CIMIP2C: variants seen among roughly 807,000 people sequenced by gnomAD.
CIMIP2C encodes the protein ciliary microtubule inner protein 2C.
the CIMIP2C span, chr2:26,578,397 A>G: frequency 9.5e-6 from 2 of 210,104 alleles, no homozygotes; most frequent in Non-Finnish European, 1.9e-5. Context: ...CCTTACTGAT[A>G]AAACAGCATC....
the CIMIP2C span, among the ~76,000 whole-genome samples, chr2:26,565,875 C>T: frequency 6.6e-6 from 1 of 152,248 alleles, no homozygotes; most frequent in South Asian, 2.1e-4. Flanking sequence ...GGCCAGGGTG[C>T]TCCATTTGGT....
chr2:26,565,061 T>TTCCCCG, the CIMIP2C span, among the ~76,000 whole-genome samples: 1 of 144,248 alleles, frequency 6.9e-6, no homozygotes. Context: ...CTCCTTCTTC[T>TTCCCCG]TCCCCTTCCC....
At chr2:26,568,757 C>T in the CIMIP2C span, among the ~76,000 whole-genome samples, 1 of 152,070 alleles carries the variant, frequency 6.6e-6, no homozygotes, top group South Asian at 2.1e-4. Flanking sequence ...AGGCCAGGTG[C>T]GGTGGCTCAC....
chr2:26,576,585 G>A, the CIMIP2C span, among the ~76,000 whole-genome samples: 1 of 152,178 alleles, frequency 6.6e-6, no homozygotes, highest in African/African-American at 2.4e-5. Context: ...CACGAGCAAA[G>A]GCCCCACTAC....
the CIMIP2C span, chr2:26,576,288 T>C: frequency 7.8e-7 from 1 of 1,275,310 alleles, no homozygotes; most frequent in South Asian, 1.5e-5. Context: ...CACAGTGTCT[T>C]GATTTCCTTT....
At chr2:26,572,293 A>G in the CIMIP2C span, 127 of 798,116 alleles carry the variant, frequency 1.6e-4, no homozygotes, top group African/African-American at 2.2e-4. Flanking sequence ...CTGCACTTCA[A>G]TAGATTTGAA....
chr2:26,576,203 C>T, the CIMIP2C span: 3 of 1,593,278 alleles, frequency 1.9e-6, no homozygotes, highest in African/African-American at 1.3e-5. Context: ...GCCCTGTGGC[C>T]TCCCCTCCTG....
chr2:26,571,118 G>A, the CIMIP2C span, among the ~76,000 whole-genome samples: 1 of 102,472 alleles, frequency 9.8e-6, no homozygotes, highest in Non-Finnish European at 2.0e-5. Flanking sequence ...TTGCCAGAAT[G>A]GTGGAGGCTG....
At chr2:26,568,717 G>C in the CIMIP2C span, among the ~76,000 whole-genome samples, 1 of 152,180 alleles carries the variant, frequency 6.6e-6, no homozygotes, top group African/African-American at 2.4e-5. Context: ...CAGTGGCTCA[G>C]ATTATTGTGA....
At chr2:26,569,097 A>T in the CIMIP2C span, among the ~76,000 whole-genome samples, 1 of 152,064 alleles carries the variant, frequency 6.6e-6, no homozygotes, top group African/African-American at 2.4e-5. Context: ...AGACAGTTCC[A>T]TGGAGCGGGC....
At chr2:26,566,041 G>A in the CIMIP2C span, among the ~76,000 whole-genome samples, 31 of 152,352 alleles carry the variant, frequency 2.0e-4, no homozygotes, top group Non-Finnish European at 4.0e-4. Context: ...TGGCCTCAGT[G>A]AGGATCCAAG....
At chr2:26,574,529 C>A in the CIMIP2C span, among the ~76,000 whole-genome samples, 1 of 152,130 alleles carries the variant, frequency 6.6e-6, no homozygotes, top group East Asian at 1.9e-4. Flanking sequence ...AGGGATATGT[C>A]TGGTGTGCAA....
chr2:26,572,349 G>GTTTTTTTTTTT, the CIMIP2C span, among the ~76,000 whole-genome samples: 4 of 138,656 alleles, frequency 2.9e-5, no homozygotes, highest in Non-Finnish European at 3.1e-5. Context: ...TACTGAGTTG[G>GTTTTTTTTTTT]TTTTTTTTTT....
At chr2:26,562,667 C>G in the CIMIP2C span, 1 of 1,579,882 alleles carries the variant, frequency 6.3e-7, no homozygotes, top group Non-Finnish European at 8.6e-7. Flanking sequence ...CGCCTACGTG[C>G]CCCCTGGACT....
chr2:26,565,059 TCTTCCC>T, the CIMIP2C span, among the ~76,000 whole-genome samples: 3,125 of 143,258 alleles, frequency 0.022, 61 homozygotes, highest in African/African-American at 0.062. Context: ...TTCTCCTTCT[TCTTCCC>T]CTTCCCCTTC....
At chr2:26,571,823 G>T in the CIMIP2C span, among the ~76,000 whole-genome samples, 1 of 151,998 alleles carries the variant, frequency 6.6e-6, no homozygotes, top group Admixed American at 6.6e-5. Context: ...GTGAATGGAC[G>T]GATGGATGGA....
chr2:26,576,039 C>G, the CIMIP2C span: 2 of 1,614,216 alleles, frequency 1.2e-6, no homozygotes, highest in African/African-American at 1.3e-5. Context: ...GGCCATTTCC[C>G]CACCATCTTC....
At chr2:26,578,975 C>A in the CIMIP2C span, 1 of 492,338 alleles carries the variant, frequency 2.0e-6, no homozygotes, top group Admixed American at 2.3e-5. Flanking sequence ...TGCATTACTG[C>A]ATTTATTCCT....
chr2:26,572,929 T>C, the CIMIP2C span, among the ~76,000 whole-genome samples: 4 of 152,228 alleles, frequency 2.6e-5, no homozygotes, highest in African/African-American at 9.6e-5. Flanking sequence ...ATCACTTGTC[T>C]TTGACATCTT....
Sources: gnomAD v4.1 joint callset for allele counts (sites outside exome capture counted in the v4.1 genomes callset) on GRCh38, gnomAD v4.1.1 for gene constraint, MANE v1.5 for transcripts, NCBI Gene and HGNC (gene_info 2026-07-23, HGNC 2026-07-21) for gene names.